MAD1L1: variants seen among roughly 807,000 people sequenced by gnomAD.
The protein encoded by MAD1L1 is mitotic spindle assembly checkpoint protein MAD1.
Under a neutral mutation model 96.9 loss-of-function variants are expected in MAD1L1, and 95 were observed. The ratio of observed to expected loss-of-function variants is 0.98; its 90% CI spans 0.83 to 1.16. The LOEUF is 1.16. MAD1L1 is among the 50% of genes most tolerant of loss of function. The pLI is 0.00. For synonymous variants in MAD1L1, 473 were observed against 396.6 expected, an observed-to-expected ratio of 1.19 and a Z score of -2.29; for missense variants, 1,007 against 954.4, an observed-to-expected ratio of 1.06 and a Z score of -0.73.
intron 14 of MAD1L1, among the ~76,000 whole-genome samples, chr7:1,988,915 A>C (rs1781280432): frequency 6.6e-6 from 1 of 152,200 alleles, no homozygotes; most frequent in African/African-American, 2.4e-5. Flanking sequence ...AGGCCCACAG[A>C]TGGCCATCTC....
intron 17 of MAD1L1, among the ~76,000 whole-genome samples, chr7:1,900,516 C>A (rs954914639): frequency 1.3e-5 from 2 of 152,160 alleles, no homozygotes; most frequent in African/African-American, 4.8e-5. Context: ...GAGGCTGGGG[C>A]CCTTGATGAA....
At position 2,138,444 on chromosome 7, in the gene MAD1L1, G is replaced by A. The variant is rs1788864363; in HGVS notation, c.1073+10708C>T. 2.0e-5 allele frequency among the ~76,000 whole-genome samples: 3 copies of A among 152,350 alleles called. No homozygotes were observed. In the South Asian group the frequency reaches 6.2e-4, roughly 32 times the overall value. On this transcript the variant is annotated intron_variant, in intron 11 of 18. Coordinates refer to ENST00000265854, the MANE Select transcript of MAD1L1 (RefSeq NM_001013836.2). ...GGTGGGCGCCAGACCAAGTGGCCTA[G>A]AGAGATGAGCACTTCAGCATGCAGA...
chr7:2,166,888 C>T (rs1231684143), intron 10 of MAD1L1, among the ~76,000 whole-genome samples: 5 of 152,232 alleles, frequency 3.3e-5, no homozygotes, highest in Non-Finnish European at 7.3e-5. Context: ...CTGAGAAGCA[C>T]CACTACACAC....
chr7:1,938,051 GCCGC>G (rs1248198095), intron 16 of MAD1L1, among the ~76,000 whole-genome samples: 104 of 770 alleles, frequency 0.14, 23 homozygotes, highest in South Asian at 0.75. Flanking sequence ...ACAAACATCA[GCCGC>G]CCACGGCAGG....
intron 18 of MAD1L1, among the ~76,000 whole-genome samples, chr7:1,852,977 A>G (rs1784056161): frequency 6.6e-6 from 1 of 152,226 alleles, no homozygotes; most frequent in Admixed American, 6.5e-5. Flanking sequence ...CACTGAGCAC[A>G]TGCCAGCTCA....
intron 18 of MAD1L1, among the ~76,000 whole-genome samples, chr7:1,824,264 A>G (rs551353583): frequency 1.3e-5 from 2 of 152,292 alleles, no homozygotes; most frequent in African/African-American, 4.8e-5. Context: ...AGCTGCCGAC[A>G]TCGGGGGCTT....
chr7:2,175,435 A>G (rs1790899994), intron 10 of MAD1L1: 1 of 145,734 alleles, frequency 6.9e-6, no homozygotes, highest in Non-Finnish European at 1.5e-5. Flanking sequence ...ATTACATTCC[A>G]GCTTCTGAAA....
At chr7:2,159,892 G>C (rs1216798109) in intron 10 of MAD1L1, among the ~76,000 whole-genome samples, 1 of 152,208 alleles carries the variant, frequency 6.6e-6, no homozygotes, top group Non-Finnish European at 1.5e-5. Flanking sequence ...GCCGTGTGCA[G>C]AAAAGTCAAA....
At chr7:1,946,047 G>C (rs908036734) in intron 16 of MAD1L1, among the ~76,000 whole-genome samples, 1 of 152,200 alleles carries the variant, frequency 6.6e-6, no homozygotes, top group Admixed American at 6.5e-5. Context: ...CAGCCCAGAG[G>C]AAGGGCCAGC....
At chr7:1,820,976 G>C (rs1200764892) in intron 18 of MAD1L1, among the ~76,000 whole-genome samples, 4 of 151,100 alleles carry the variant, frequency 2.6e-5, no homozygotes. Flanking sequence ...AGCTCCTTGG[G>C]AGGCTGAGGC....
chr7:2,219,534 A>C, intron 5 of MAD1L1, 78 bp from the exon 6 acceptor site: 4 of 1,525,478 alleles, frequency 2.6e-6, no homozygotes, highest in Non-Finnish European at 2.7e-6. Flanking sequence ...GGAGATGAGA[A>C]GAGTGGAGAG....
chr7:2,159,026 C>T (rs553351048), intron 10 of MAD1L1, among the ~76,000 whole-genome samples: 9 of 152,296 alleles, frequency 5.9e-5, no homozygotes, highest in South Asian at 4.1e-4. Flanking sequence ...ACATGGCAGA[C>T]GATGCCACTC....
chr7:1,918,434 C>T (rs1324136383), intron 17 of MAD1L1, among the ~76,000 whole-genome samples: 3 of 152,208 alleles, frequency 2.0e-5, no homozygotes, highest in Non-Finnish European at 4.4e-5. Context: ...ACCGCAGTCA[C>T]GCCACTGGGG....
chr7:2,122,043 G>A (rs773146734), intron 11 of MAD1L1, among the ~76,000 whole-genome samples: 1 of 152,216 alleles, frequency 6.6e-6, no homozygotes, highest in African/African-American at 2.4e-5. Context: ...AGGGACAGAG[G>A]AACTCTTGGG....
intron 16 of MAD1L1, among the ~76,000 whole-genome samples, chr7:1,941,280 A>G (rs1263283748): frequency 1.3e-5 from 2 of 152,172 alleles, no homozygotes; most frequent in African/African-American, 2.4e-5. Context: ...AGCCAGAGGC[A>G]CAGCCCCAGC....
chr7:2,029,206 C>T (rs1339261297), intron 12 of MAD1L1, among the ~76,000 whole-genome samples: 1 of 151,976 alleles, frequency 6.6e-6, no homozygotes. Context: ...GTCACAGTAG[C>T]CAAGAAATAA....
chr7:2,099,210 C>T (rs111476631), intron 11 of MAD1L1, among the ~76,000 whole-genome samples: 4,121 of 152,314 alleles, frequency 0.027, 96 homozygotes, highest in South Asian at 0.088. Flanking sequence ...CCACCCCGAC[C>T]GCCAGGTCAA....
intron 10 of MAD1L1, among the ~76,000 whole-genome samples, chr7:2,182,075 A>G (rs908334200): frequency 6.6e-6 from 1 of 152,166 alleles, no homozygotes; most frequent in Non-Finnish European, 1.5e-5. Context: ...AACCACAACT[A>G]AAGAGCTTTT....
chr7:1,973,945 G>A (rs956348386), intron 15 of MAD1L1, among the ~76,000 whole-genome samples: 3 of 152,232 alleles, frequency 2.0e-5, no homozygotes, highest in Admixed American at 6.5e-5. Context: ...GCTGGGGCAG[G>A]AGACGCGCTC....
Sources: allele counts gnomAD v4.1 joint callset (sites outside exome capture counted in the v4.1 genomes callset), GRCh38; gene constraint gnomAD v4.1.1; transcripts MANE v1.5; gene names NCBI Gene and HGNC (gene_info 2026-07-23, HGNC 2026-07-21).